ARID4B: variants seen among roughly 807,000 people sequenced by gnomAD.
ARID4B encodes AT-rich interactive domain-containing protein 4B.
Under a neutral mutation model 147.5 loss-of-function variants are expected in ARID4B, and 26 were observed. That is an observed-to-expected ratio of 0.18 (90% confidence interval 0.13 to 0.24). The LOEUF is 0.24. Among genes scored for constraint, ARID4B ranks in the 10% least tolerant of loss-of-function variants. The probability of loss-of-function intolerance (pLI) is 1.00; values close to 1 mark genes in which losing one functional copy is unlikely to be tolerated. For synonymous variants in ARID4B, 512 were observed against 507.9 expected (o/e 1.01, Z -0.11); for missense variants, 1,179 against 1,511.5 (o/e 0.78, Z 3.65).
intron 17 of ARID4B, among the ~76,000 whole-genome samples, chr1:235,198,877 A>G (rs1428685440): frequency 6.6e-6 from 1 of 152,234 alleles, no homozygotes; most frequent in Non-Finnish European, 1.5e-5. Context: ...AGGTGGACAG[A>G]TCACCTGAGG....
chr1:235,286,768 T>A (rs938529177), intron 2 of ARID4B, among the ~76,000 whole-genome samples: 1 of 152,188 alleles, frequency 6.6e-6, no homozygotes, highest in South Asian at 2.1e-4. Context: ...TTATCTGATG[T>A]CTTAGATCAC....
chr1:235,195,456 G>C (rs932961142), intron 18 of ARID4B, among the ~76,000 whole-genome samples: 1 of 151,982 alleles, frequency 6.6e-6, no homozygotes, highest in Non-Finnish European at 1.5e-5. Flanking sequence ...AGCCAGGTGT[G>C]GTGGTGTGTG....
At chr1:235,171,006 T>C (rs1465680551) in intron 23 of ARID4B, among the ~76,000 whole-genome samples, 1 of 151,988 alleles carries the variant, frequency 6.6e-6, no homozygotes, top group Non-Finnish European at 1.5e-5. Context: ...AAGAGATTGT[T>C]CCATATCAGT....
chr1:235,198,770 A>C (rs1333430311), intron 17 of ARID4B, among the ~76,000 whole-genome samples: 1 of 152,250 alleles, frequency 6.6e-6, no homozygotes, highest in Non-Finnish European at 1.5e-5. Flanking sequence ...TGTAATTAAC[A>C]GTATGGCCTT....
At position 235,175,385 on chromosome 1, in the gene ARID4B, T is replaced by A; in HGVS notation, c.3463A>T (p.Ser1155Cys). ...CTTTCACCAGCTGAAAGTTCTTCAC[T>A]ATCACTACTATTTGCTGAAAGAGAA... ...KKGKGTNSSD[S>C]EELSAGESIT... is the part of the protein sequence containing the mutation. Residue 1155 changes from serine (S) to cysteine (C), a missense_variant, in exon 22 of 24, where the codon AGT (serine) becomes TGT (cysteine). Ser to Cys is a moderately radical substitution (Grantham distance 112). Transcript: ENST00000264183. The A allele has an allele frequency of 6.2e-7, 1 of 1,611,732 alleles. No individual in the cohort carries two copies.
chr1:235,177,664 T>G, intron 21 of ARID4B, 136 bp downstream of exon 21: 1 of 544,092 alleles, frequency 1.8e-6, no homozygotes, highest in Non-Finnish European at 3.1e-6. Context: ...CTTACAGAAT[T>G]TGTGTGACTT....
intron 2 of ARID4B, among the ~76,000 whole-genome samples, chr1:235,265,037 G>A (rs1482639860): frequency 6.8e-6 from 1 of 146,230 alleles, no homozygotes; most frequent in Non-Finnish European, 1.5e-5. Context: ...TCCAGCCTGG[G>A]CAACAAGAGT....
Position 235,267,550 on chromosome 1 carries a change from T to C in ARID4B, c.7-6798A>G, listed in dbSNP as rs971249700. Among the ~76,000 whole-genome samples, 3 of 152,122 alleles carry C rather than the reference T, an allele frequency of 2.0e-5. No individual in the cohort carries two copies. The Middle Eastern group carries it at 0.01, about 521-fold the overall frequency. On this transcript the variant is annotated intron_variant, in intron 2 of 23. Coordinates refer to ENST00000264183, the MANE Select transcript of ARID4B (RefSeq NM_016374.6). Reference sequence around the variant, plus strand: ...TACATCGAGGAAATGAAGAAAACCATGGCCAGGTGTGGTGGCTCACGCCTG... The same window carrying C: ...TACATCGAGGAAATGAAGAAAACCACGGCCAGGTGTGGTGGCTCACGCCTG...
At position 235,327,909 on chromosome 1, in the gene ARID4B, T is replaced by A. The variant is rs974283729; in HGVS notation, c.-190A>T. 6.6e-6 allele frequency: 1 copy of A among 152,406 alleles called. No homozygotes were observed. The highest frequency in any genetic ancestry group is 2.4e-5 in the African/African-American group (1 of 41,356). 9.4% of individuals were successfully genotyped at this position (152,406 alleles called of 1,614,324 possible). ...CTGCTGAGGCAGAGGCTCCGGCTCC[T>A]CCTCCTCCCGCGGCGGCGACTGGTA... On this transcript the variant is annotated 5_prime_UTR_variant, in exon 1 of 24. Transcript: ENST00000264183.
intron 3 of ARID4B, among the ~76,000 whole-genome samples, chr1:235,257,694 T>C (rs2103110501): frequency 6.6e-6 from 1 of 152,156 alleles, no homozygotes; most frequent in East Asian, 1.9e-4. Context: ...TTGGCCAGGC[T>C]GGTCTCAAAC....
chr1:235,266,742 G>A (rs1572112450), intron 2 of ARID4B, among the ~76,000 whole-genome samples: 1 of 152,154 alleles, frequency 6.6e-6, no homozygotes, highest in African/African-American at 2.4e-5. Flanking sequence ...CTGGGCTGCA[G>A]CACATCAAAT....
intron 8 of ARID4B, among the ~76,000 whole-genome samples, chr1:235,237,020 G>A (rs1028725886): frequency 4.1e-5 from 6 of 147,358 alleles, no homozygotes; most frequent in Non-Finnish European, 6.0e-5. Flanking sequence ...CTATAAGCAC[G>A]CACCACCATG....
At chr1:235,216,832 G>T (rs12022924) in intron 16 of ARID4B, among the ~76,000 whole-genome samples, 42,071 of 151,716 alleles carry the variant, frequency 0.28, 7,368 homozygotes, top group South Asian at 0.53. Context: ...TAAGTCATAA[G>T]ACTCTATCTT....
intron 4 of ARID4B, among the ~76,000 whole-genome samples, chr1:235,256,521 A>G (rs1343908472): frequency 6.6e-6 from 1 of 152,214 alleles, no homozygotes. Flanking sequence ...TAGCTTGCTC[A>G]CTGGCAAAAA....
chr1:235,319,610 C>G (rs1427660664), intron 2 of ARID4B, among the ~76,000 whole-genome samples: 2 of 152,136 alleles, frequency 1.3e-5, no homozygotes, highest in African/African-American at 4.8e-5. Context: ...ACTCAATGTT[C>G]ACTGCTCACT....
At chr1:235,327,040 G>A in intron 1 of ARID4B, 72 bp from the exon 2 acceptor site, 2 of 1,085,628 alleles carry the variant, frequency 1.8e-6, no homozygotes, top group Admixed American at 2.0e-5. Context: ...CGGAGGGAAA[G>A]AAGCGAGCGA....
rs757450251 is a variant in ARID4B, at chr1:235,257,235, A to T, written c.118-10T>A. On this transcript the variant is annotated splice_polypyrimidine_tract_variant and intron_variant, in intron 3 of 23. Transcript: ENST00000264183. Reference sequence around the variant, plus strand: ...CATGTCTAAATGTCACCTAGAGATTATAAGTTTAATTAGCCACCAAAAATA... The same window carrying T: ...CATGTCTAAATGTCACCTAGAGATTTTAAGTTTAATTAGCCACCAAAAATA... 2.5e-6 allele frequency: 4 copies of T among 1,603,686 alleles called. No individual in the cohort carries two copies. The South Asian group carries it at 3.3e-5, about 13-fold the overall frequency.
intron 9 of ARID4B, among the ~76,000 whole-genome samples, chr1:235,232,019 C>G (rs1377300190): frequency 6.6e-6 from 1 of 152,122 alleles, no homozygotes; most frequent in Non-Finnish European, 1.5e-5. Flanking sequence ...ACTTGGGAGT[C>G]TGAGGCAGGG....
intron 17 of ARID4B, among the ~76,000 whole-genome samples, chr1:235,200,823 C>T (rs1296898158): frequency 6.6e-6 from 1 of 152,104 alleles, no homozygotes; most frequent in African/African-American, 2.4e-5. Flanking sequence ...AATTTTAGCT[C>T]AAGTTCACAT....
Sources: gnomAD v4.1 joint callset for allele counts (sites outside exome capture counted in the v4.1 genomes callset) on GRCh38, gnomAD v4.1.1 for gene constraint, MANE v1.5 for transcripts, NCBI Gene and HGNC (gene_info 2026-07-23, HGNC 2026-07-21) for gene names.